CFAP43: variants seen among roughly 807,000 people sequenced by gnomAD.
CFAP43 encodes the protein cilia and flagella associated protein 43.
In CFAP43, 155 loss-of-function variants were observed where a neutral mutation model predicts 218.9. The observed-to-expected ratio is 0.71, with a 90% CI of 0.62 to 0.81. The LOEUF (loss-of-function observed/expected upper bound fraction) is 0.81. CFAP43 is among the 30% of genes least tolerant of loss of function. The pLI is 0.00. For missense variants in CFAP43, 1,778 were observed against 1,954.3 expected (o/e 0.91, Z 1.70); for synonymous variants, 645 against 681.3 (o/e 0.95, Z 0.83).
At chr10:104,220,247 C>T (rs1016102611) in intron 3 of CFAP43, among the ~76,000 whole-genome samples, 1 of 152,162 alleles carries the variant, frequency 6.6e-6, no homozygotes, top group African/African-American at 2.4e-5. Context: ...TCAGTAGGAA[C>T]CAACCCTGCT....
chr10:104,139,318 A>G (rs1240347033), intron 34 of CFAP43, among the ~76,000 whole-genome samples: 1 of 152,234 alleles, frequency 6.6e-6, no homozygotes, highest in African/African-American at 2.4e-5. Flanking sequence ...TTCAGAGATA[A>G]TAAATAAGAA....
chr10:104,206,770 G>A (rs558729138), intron 6 of CFAP43, among the ~76,000 whole-genome samples: 4 of 152,328 alleles, frequency 2.6e-5, no homozygotes, highest in African/African-American at 9.6e-5. Context: ...ACTGCTCAAT[G>A]AGTGGACAGT....
chr10:104,230,909 C>T, intron 1 of CFAP43, 66 bp from the exon 2 acceptor site: 2 of 1,465,492 alleles, frequency 1.4e-6, no homozygotes. Flanking sequence ...TTTAACAAAG[C>T]AAAGGGTCAT....
chr10:104,218,075 G>A (rs562251), intron 3 of CFAP43, among the ~76,000 whole-genome samples: 32,563 of 151,902 alleles, frequency 0.21, 3,571 homozygotes, highest in South Asian at 0.24. Context: ...AAGGCCGGGC[G>A]CAGTGGCTCA....
Position 104,146,267 on chromosome 10 carries a change from T to G in CFAP43, c.3851A>C (p.Asp1284Ala). 3.7e-6 allele frequency: 6 copies of G among 1,613,436 alleles called. No homozygotes were observed. The highest frequency in any genetic ancestry group is 5.1e-6 in the Non-Finnish European group (6 of 1,179,418). The change falls in exon 30 of 38, where the codon GAC (aspartate) becomes GCC (alanine). Residue 1284 changes from aspartate to alanine, a missense_variant. Around this residue, in one of 3 missense-constraint regions of CFAP43, gnomAD observed 1,553 missense variants for 1,685.2 expected, o/e 0.92. Coordinates refer to ENST00000357060, the MANE Select transcript of CFAP43 (RefSeq NM_025145.7). ...KEHYDNLLAE[D>A]KVMDRSFKKE... is the part of the protein sequence containing the mutation. ...GGGTAAGACAACAACTCTCACTTTG[T>G]CTTCTGCCAGTAAGTTGTCATAGTG... is the stretch of plus-strand genomic sequence containing the variant.
At position 104,182,457 on chromosome 10, in the gene CFAP43, AT is replaced by A. The variant is rs1564766235; in HGVS notation, c.2197del (p.Ile733PhefsTer3). The stretch of plus-strand genomic sequence containing the variant: ...CTTGTCCATGGCGCTGCTCAGGGAA[AT>A]TAATAGTTTCTGGTAATAGTCCAGA... ...EILDYYQKLL[I>X]SLSSAMDKEN... On this transcript the variant is annotated frameshift_variant, in exon 17 of 38. Coordinates refer to ENST00000357060, the MANE Select transcript of CFAP43 (RefSeq NM_025145.7). LOFTEE classifies it high-confidence loss of function. 1.2e-6 allele frequency: 2 copies of A among 1,612,636 alleles called. No homozygotes were observed. The highest frequency in any genetic ancestry group is 1.7e-6 in the Non-Finnish European group (2 of 1,179,520).
intron 15 of CFAP43, among the ~76,000 whole-genome samples, 155 bp downstream of exon 15, chr10:104,185,819 T>C (rs979931292): frequency 1.3e-5 from 2 of 152,236 alleles, no homozygotes; most frequent in Non-Finnish European, 2.9e-5. Context: ...TCCCATGACC[T>C]AATACTTCCA....
intron 27 of CFAP43, among the ~76,000 whole-genome samples, chr10:104,156,020 C>CT (rs1285013030): frequency 6.6e-6 from 1 of 151,910 alleles, no homozygotes; most frequent in African/African-American, 2.4e-5. Flanking sequence ...AGAAAAGCAG[C>CT]TACTTTGAAA....
At chr10:104,200,846 T>G (rs1283954027) in intron 8 of CFAP43, among the ~76,000 whole-genome samples, 1 of 152,046 alleles carries the variant, frequency 6.6e-6, no homozygotes, top group East Asian at 1.9e-4. Flanking sequence ...TGGAGCAGGA[T>G]GGACAAGAGT....
In CFAP43 at chr10:104,133,700, T is replaced by C; in HGVS notation, c.4516A>G (p.Lys1506Glu). ...AGATCTTCCCTTTCCATCTCCATTT[T>C]CTTATGTTCCCACTCAATCTGAAGT... is the stretch of plus-strand genomic sequence containing the variant. ...RILQIEWEHK[K>E]MEMEREDLNQ... Residue 1506 changes from lysine to glutamate, a missense_variant, in exon 35 of 38, where the codon AAA becomes GAA. By Grantham distance (56) the Lys-to-Glu change is moderately conservative. Around this residue, in one of 3 missense-constraint regions of CFAP43, gnomAD observed 211 missense variants for 230.6 expected, o/e 0.91. Transcript: ENST00000357060. The C allele has an allele frequency of 1.2e-6, 2 of 1,613,876 alleles. No individual in the cohort carries two copies. The highest frequency in any genetic ancestry group is 1.7e-6 in the Non-Finnish European group (2 of 1,179,906).
intron 27 of CFAP43, among the ~76,000 whole-genome samples, chr10:104,160,723 G>A (rs1029690290): frequency 2.6e-5 from 4 of 152,150 alleles, no homozygotes; most frequent in Non-Finnish European, 5.9e-5. Context: ...ACCTTGCCGT[G>A]ACTTGAACAT....
rs373095015 is a variant in CFAP43, at chr10:104,161,079, T to C, written c.3498A>G (p.Lys1166=). The C allele has an allele frequency of 1.2e-5, 20 of 1,612,936 alleles. No homozygotes were observed. The African/African-American group carries it at 2.1e-4, about 17-fold the overall frequency. The part of the protein sequence containing the change: ...EERKQFKDYE[K]KVKELNEERD... Reference sequence around the variant, plus strand: ...TTTCTTCATTTAACTCCTTTACTTTTTTCTCATAATCTTTGAATTGTTTTC... The same window carrying C: ...TTTCTTCATTTAACTCCTTTACTTTCTTCTCATAATCTTTGAATTGTTTTC... The change falls in exon 27 of 38, where the codon AAA becomes AAG. Residue 1166 remains lysine, a synonymous_variant. Coordinates refer to ENST00000357060, the MANE Select transcript of CFAP43 (RefSeq NM_025145.7).
intron 11 of CFAP43, 53 bp from the exon 12 acceptor site, chr10:104,192,355 G>T: frequency 7.2e-7 from 1 of 1,383,400 alleles, no homozygotes; most frequent in Non-Finnish European, 1.0e-6. Flanking sequence ...CCAGCTAGAT[G>T]GTGAACAAGT....
At chr10:104,188,863 A>G (rs138698165) in intron 12 of CFAP43, among the ~76,000 whole-genome samples, 35 of 152,308 alleles carry the variant, frequency 2.3e-4, no homozygotes, top group African/African-American at 8.4e-4. Context: ...TTGCTCCACT[A>G]GAAAGCCAGC....
chr10:104,228,280 T>TTTTCTTC (rs888698972), intron 2 of CFAP43, among the ~76,000 whole-genome samples: 25 of 152,346 alleles, frequency 1.6e-4, no homozygotes, highest in East Asian at 7.7e-4. Context: ...AATCTATATT[T>TTTTCTTC]TTTCTTCTTT....
At chr10:104,228,715 CT>C (rs2091368957) in intron 2 of CFAP43, among the ~76,000 whole-genome samples, 2 of 151,914 alleles carry the variant, frequency 1.3e-5, no homozygotes, top group African/African-American at 4.8e-5. Context: ...GTCACTCACA[CT>C]TTTTTTTGAA....
intron 32 of CFAP43, 85 bp downstream of exon 32, chr10:104,143,341 A>G (rs1293370746): frequency 8.5e-7 from 1 of 1,177,016 alleles, no homozygotes; most frequent in African/African-American, 1.6e-5. Context: ...CTAAATAATT[A>G]GCTTTTTTGG....
chr10:104,198,896 C>G (rs963164597), intron 8 of CFAP43, among the ~76,000 whole-genome samples: 15 of 152,184 alleles, frequency 9.9e-5, no homozygotes, highest in Admixed American at 3.9e-4. Context: ...AGTAATCCCC[C>G]CTCCTCGACC....
intron 35 of CFAP43, chr10:104,133,318 G>T: frequency 4.6e-6 from 1 of 219,612 alleles, no homozygotes. Flanking sequence ...ATTAATTTGG[G>T]GTGATGAAAG....
Sources: allele counts gnomAD v4.1 joint callset (sites outside exome capture counted in the v4.1 genomes callset), GRCh38; gene constraint gnomAD v4.1.1; regional missense constraint gnomAD v4.1.1; transcripts MANE v1.5; gene names NCBI Gene and HGNC (gene_info 2026-07-23, HGNC 2026-07-21).